The following PLOD1 variants were observed in gnomAD, a reference collection of about 807,000 sequenced individuals.
PLOD1 encodes procollagen-lysine,2-oxoglutarate 5-dioxygenase 1, also known as lysine hydroxylase.
In PLOD1, 70 loss-of-function variants were observed where a neutral mutation model predicts 94.7. That is an observed-to-expected ratio of 0.74 (90% CI 0.61 to 0.90). PLOD1 has a LOEUF of 0.90. Among genes scored for constraint, PLOD1 ranks in the 40% least tolerant of loss-of-function variants. The probability of loss-of-function intolerance (pLI) is 0.00; values close to 1 mark genes in which losing one functional copy is unlikely to be tolerated. For missense variants in PLOD1, 905 were observed against 972.7 expected (o/e 0.93, Z 0.93); for synonymous variants, 417 against 400.2 (o/e 1.04, Z -0.50).
chr1:11,965,552 C>T lies in PLOD1; in HGVS notation c.1543C>T (p.His515Tyr), dbSNP rs746905101. The T allele has an allele frequency of 1.2e-6, 2 of 1,613,650 alleles. No individual in the cohort carries two copies. Among genetic ancestry groups the T allele is most frequent in the Non-Finnish European group, 1.7e-6 (2 of 1,179,796 alleles). Residue 515 changes from histidine to tyrosine, a missense_variant, in exon 14 of 19, where the codon CAC becomes TAC. Physicochemically the swap from His to Tyr is moderately conservative, Grantham distance 83. Transcript: ENST00000196061. ...LLSLDSYRTT[H>Y]LHNDLWEVFS... ...CTCCCTAGACAGCTACCGCACCACCCACCTGCACAACGACCTCTGGGAGGT... is the reference window on the plus strand; with the variant it reads ...CTCCCTAGACAGCTACCGCACCACCTACCTGCACAACGACCTCTGGGAGGT...
At chr1:11,952,395 G>A (rs1342396289) in intron 4 of PLOD1, among the ~76,000 whole-genome samples, 1 of 152,196 alleles carries the variant, frequency 6.6e-6, no homozygotes, top group Non-Finnish European at 1.5e-5. Context: ...GGCACCATTG[G>A]TCTTATTCTT....
chr1:11,937,866 C>G (rs907008358), intron 1 of PLOD1, among the ~76,000 whole-genome samples: 1 of 151,790 alleles, frequency 6.6e-6, no homozygotes, highest in African/African-American at 2.4e-5. Flanking sequence ...AATGTCAGGC[C>G]AGTCTGAGTT....
At chr1:11,942,911 G>A (rs1001396614) in intron 1 of PLOD1, among the ~76,000 whole-genome samples, 23 of 152,178 alleles carry the variant, frequency 1.5e-4, no homozygotes, top group African/African-American at 5.3e-4. Flanking sequence ...ACAATCACGT[G>A]GGATCCTCAA....
chr1:11,947,480 G>T (rs905469656), intron 1 of PLOD1, among the ~76,000 whole-genome samples: 3 of 151,430 alleles, frequency 2.0e-5, no homozygotes, highest in Admixed American at 6.6e-5. Flanking sequence ...TGAGGCAGGA[G>T]AATAGCTTGA....
chr1:11,974,901 C>T lies in PLOD1; in HGVS notation c.*93C>T. On this transcript the variant is annotated 3_prime_UTR_variant, in exon 19 of 19. Coordinates refer to ENST00000196061, the MANE Select transcript of PLOD1 (RefSeq NM_000302.4). ...CCTCGGGGTCCCAGGGAACCCAGTC[C>T]AGCCTCCTGGCTGTTGACTTCCCAT... The T allele has an allele frequency of 8.1e-7, 1 of 1,237,490 alleles. No homozygotes were observed. The allele number at this position is 1,237,490 out of a possible 1,614,324, so 76.7% of individuals were successfully genotyped here. A position where few individuals can be genotyped will look rare whatever the true frequency, so the allele number is the denominator to read the frequency against.
intron 12 of PLOD1, 100 bp from the exon 13 acceptor site, chr1:11,964,544 C>T (rs1449981146): frequency 8.0e-7 from 1 of 1,246,070 alleles, no homozygotes; most frequent in Non-Finnish European, 1.2e-6. Context: ...CTTCTCACAC[C>T]CAGACTCCAG....
chr1:11,934,805 T>A lies in PLOD1; in HGVS notation c.26T>A (p.Leu9Gln). ...ATGCGGCCCCTGCTGCTACTGGCCC[T>A]GCTGGGCTGGCTGCTGCTGGCCGAA... MRPLLLLA[L>Q]LGWLLLAEAK... Residue 9 changes from leucine (L) to glutamine (Q), a missense_variant, in exon 1 of 19, where the codon CTG (leucine) becomes CAG (glutamine). Transcript: ENST00000196061. 1 of 1,540,970 alleles carries A rather than the reference T, an allele frequency of 6.5e-7. No individual in the cohort carries two copies. Among genetic ancestry groups the A allele is most frequent in the Non-Finnish European group, 8.7e-7 (1 of 1,146,054 alleles).
rs202003686 is a variant in PLOD1 at position 11,948,023 on chromosome 1, C to A, written c.124C>A (p.Arg42Ser). The change falls in exon 2 of 19, where the codon CGT becomes AGT. Residue 42 changes from arginine to serine, a missense_variant. Arg to Ser is a moderately radical substitution (Grantham distance 110). Transcript: ENST00000196061. ...TVATKETEGF[R>S]RFKRSAQFFN... The stretch of plus-strand genomic sequence containing the variant: ...GGCCACTAAGGAGACCGAGGGATTC[C>A]GTCGCTTCAAGCGCTCAGCTCAGTT... The A allele has an allele frequency of 6.2e-7, 1 of 1,613,832 alleles. No homozygotes were observed. The highest frequency in any genetic ancestry group is 8.5e-7 in the Non-Finnish European group (1 of 1,179,844).
At position 11,954,904 on chromosome 1, in the gene PLOD1, C is replaced by T; in HGVS notation, c.643+11C>T. The T allele has an allele frequency of 6.2e-7, 1 of 1,606,972 alleles. No individual in the cohort carries two copies. The highest frequency in any genetic ancestry group is 8.5e-7 in the Non-Finnish European group (1 of 1,173,550). ...TGGATGGAGCCTTGGGTGAGCAGCC[C>T]CCACGGGGAGGGGTGGATCCTCAGA... On this transcript the variant is annotated intron_variant, in intron 6 of 18. Transcript: ENST00000196061.
chr1:11,939,168 T>C (rs1444014088), intron 1 of PLOD1, among the ~76,000 whole-genome samples: 1 of 152,022 alleles, frequency 6.6e-6, no homozygotes, highest in African/African-American at 2.4e-5. Context: ...TGTTCCCTAC[T>C]AGAGAACAGA....
intron 10 of PLOD1, among the ~76,000 whole-genome samples, chr1:11,961,649 A>C (rs114497631): frequency 0.014 from 2,205 of 152,136 alleles, 51 homozygotes; most frequent in African/African-American, 0.049. Flanking sequence ...CACTCTTGTC[A>C]TCCAGGCTGG....
chr1:11,965,100 C>T lies in PLOD1; in HGVS notation c.1470+315C>T, dbSNP rs900409195. The stretch of plus-strand genomic sequence containing the variant: ...CTAAAGGTACTCCAAGTGATGTGCC[C>T]GAGAGACACCTCACCCTGTCTCTGC... On this transcript the variant is annotated intron_variant, in intron 13 of 18. Transcript: ENST00000196061. Among the ~76,000 whole-genome samples the T allele has an allele frequency of 5.9e-4, 89 of 151,602 alleles. 1 individual carries two copies. Among genetic ancestry groups the T allele is most frequent in the African/African-American group, 9.4e-4 (39 of 41,328 alleles).
intron 1 of PLOD1, among the ~76,000 whole-genome samples, chr1:11,935,521 T>C (rs1310502298): frequency 6.6e-5 from 10 of 152,312 alleles, no homozygotes; most frequent in African/African-American, 2.4e-4. Flanking sequence ...ATTATTTATT[T>C]AGTTATTTAT....
In PLOD1 at chr1:11,964,317, T is replaced by TGGGGGG; in HGVS notation, c.1328+22_1328+23insGGGGGG. On this transcript the variant is annotated intron_variant, in intron 12 of 18. Transcript: ENST00000196061. ...GCGGCGTGTGTGAGTACCTGCAGGG[T>TGGGGGG]GGGGGTGGGTGGGGGACACCTTCAT... is the stretch of plus-strand genomic sequence containing the variant. 1 of 238,120 alleles carries TGGGGGG rather than the reference T, an allele frequency of 4.2e-6. No homozygotes were observed. The highest frequency in any genetic ancestry group is 8.4e-6 in the Non-Finnish European group (1 of 119,494). 14.8% of individuals were successfully genotyped at this position (238,120 alleles called of 1,614,324 possible). A position where few individuals can be genotyped will look rare whatever the true frequency, so the allele number is the denominator to read the frequency against.
chr1:11,955,767 G>A (rs915884172), intron 6 of PLOD1, among the ~76,000 whole-genome samples: 7 of 152,070 alleles, frequency 4.6e-5, no homozygotes, highest in African/African-American at 1.7e-4. Context: ...GGGATTACAG[G>A]CGCACACCAC....
At position 11,965,463 on chromosome 1, in the gene PLOD1, G is replaced by A. The variant is rs373324035; in HGVS notation, c.1471-17G>A. ...GGGGTGGGGGAGCGCCTCTTCCACC[G>A]GGCCTGTCCTCCCCAGGATGTGTTC... On this transcript the variant is annotated splice_polypyrimidine_tract_variant and intron_variant, in intron 13 of 18. Coordinates refer to ENST00000196061, the MANE Select transcript of PLOD1 (RefSeq NM_000302.4). The A allele has an allele frequency of 1.6e-5, 25 of 1,517,188 alleles. No individual in the cohort carries two copies. In the Admixed American group the frequency reaches 2.7e-4, roughly 16 times the overall value. 94.0% of individuals were successfully genotyped at this position (1,517,188 alleles called of 1,614,324 possible). A position where few individuals can be genotyped will look rare whatever the true frequency, so the allele number is the denominator to read the frequency against.
At chr1:11,940,465 G>A (rs777424694) in intron 1 of PLOD1, among the ~76,000 whole-genome samples, 4 of 152,210 alleles carry the variant, frequency 2.6e-5, no homozygotes, top group Non-Finnish European at 5.9e-5. Context: ...TGTGCCAAGC[G>A]CTTTACGGCA....
At chr1:11,969,289 T>C (rs1289243675) in intron 16 of PLOD1, among the ~76,000 whole-genome samples, 1 of 152,110 alleles carries the variant, frequency 6.6e-6, no homozygotes, top group African/African-American at 2.4e-5. Context: ...GTGCCTGGCC[T>C]CATTTTCTAA....
Position 11,958,388 on chromosome 1 carries a change from C to T in PLOD1, c.844-128C>T, listed in dbSNP as rs562333854. 94 of 1,099,732 alleles carry T rather than the reference C, an allele frequency of 8.5e-5. No homozygotes were observed. In the African/African-American group the frequency reaches 9.7e-4, roughly 11 times the overall value. The allele number at this position is 1,099,732 out of a possible 1,614,324, so 68.1% of individuals were successfully genotyped here. ...ACCCCCTGACTGGAGTTCCCCGGCCCGGGCACCTTTCTTGGGAAGTCTACA... is the reference window on the plus strand; with the variant it reads ...ACCCCCTGACTGGAGTTCCCCGGCCTGGGCACCTTTCTTGGGAAGTCTACA... On this transcript the variant is annotated intron_variant, in intron 8 of 18. Transcript: ENST00000196061. This position sits in a 1 kb window ranked among gnomAD's most constrained non-coding sequence, Gnocchi z 4.3.
Sources: allele counts gnomAD v4.1 joint callset (sites outside exome capture counted in the v4.1 genomes callset), GRCh38; gene constraint gnomAD v4.1.1; non-coding constraint Gnocchi (gnomAD v3.1); transcripts MANE v1.5; gene names NCBI Gene and HGNC (gene_info 2026-07-23, HGNC 2026-07-21).